Variants in CDC14B observed in about 807,000 individuals in gnomAD.
CDC14B encodes the protein dual specificity protein phosphatase CDC14B.
CDC14B carries 22 observed loss-of-function variants against 64.2 expected under a neutral mutation model. The ratio of observed to expected loss-of-function variants is 0.34; its 90% CI spans 0.24 to 0.49. The LOEUF (loss-of-function observed/expected upper bound fraction) is 0.49. Among genes scored for constraint, CDC14B ranks in the 20% least tolerant of loss-of-function variants. The pLI is 0.99. For synonymous variants in CDC14B, 191 were observed against 215.8 expected (o/e 0.89, Z 1.01); for missense variants, 498 against 629.9 (o/e 0.79, Z 2.24).
intron 9 of CDC14B, among the ~76,000 whole-genome samples, chr9:96,533,464 A>T (rs759031191): frequency 6.6e-6 from 1 of 152,230 alleles, no homozygotes; most frequent in African/African-American, 2.4e-5. Flanking sequence ...TTTTTGTAAC[A>T]AAACTATATT....
At position 96,500,403 on chromosome 9, in the gene CDC14B, A is replaced by G. The variant is rs1465045235; in HGVS notation, c.*3350T>C. ...CAATACTGATCAGTTACATTTTAAAACTTTTAATAATCTGTACATGAGTGC... is the reference window on the plus strand; with the variant it reads ...CAATACTGATCAGTTACATTTTAAAGCTTTTAATAATCTGTACATGAGTGC... On this transcript the variant is annotated 3_prime_UTR_variant, in exon 14 of 14. Coordinates refer to ENST00000375241, the MANE Select transcript of CDC14B (RefSeq NM_033331.4). 2 of 152,658 alleles carry G rather than the reference A, an allele frequency of 1.3e-5. No individual in the cohort carries two copies. The highest frequency in any genetic ancestry group is 2.9e-5 in the Non-Finnish European group (2 of 68,038). The allele number at this position is 152,658 out of a possible 1,614,324, so 9.5% of individuals were successfully genotyped here. A position where few individuals can be genotyped will look rare whatever the true frequency, so the allele number is the denominator to read the frequency against.
intron 9 of CDC14B, among the ~76,000 whole-genome samples, chr9:96,532,085 T>G (rs902303981): frequency 6.6e-6 from 1 of 152,210 alleles, no homozygotes; most frequent in Non-Finnish European, 1.5e-5. Context: ...TTCTATTTGT[T>G]TTTTGCAAGT....
rs16911009 is a variant in CDC14B at position 96,504,176 on chromosome 9, C to T, written c.1461-387G>A. Reference sequence around the variant, plus strand: ...CTGAGGGACCAGGCTGTGGGAGGAGCGGGCAGAATGAAAAGATAGAGAACT... The same window carrying T: ...CTGAGGGACCAGGCTGTGGGAGGAGTGGGCAGAATGAAAAGATAGAGAACT... On this transcript the variant is annotated intron_variant, in intron 13 of 13. Coordinates refer to ENST00000375241, the MANE Select transcript of CDC14B (RefSeq NM_033331.4). 5.1e-3 allele frequency among the ~76,000 whole-genome samples: 779 copies of T among 152,160 alleles called. 5 individuals are homozygous for T. Among genetic ancestry groups the T allele is most frequent in the Non-Finnish European group, 6.7e-3 (457 of 68,006 alleles).
chr9:96,616,194 C>T (rs1847613300), intron 1 of CDC14B, among the ~76,000 whole-genome samples: 1 of 151,994 alleles, frequency 6.6e-6, no homozygotes, highest in African/African-American at 2.4e-5. Context: ...GGCATGGTGG[C>T]GTATGCCTGT....
intron 4 of CDC14B, among the ~76,000 whole-genome samples, chr9:96,552,662 C>T (rs879191544): frequency 6.6e-6 from 1 of 152,072 alleles, no homozygotes; most frequent in African/African-American, 2.4e-5. Context: ...TTACAAGTAA[C>T]CTGTTTGTTC....
intron 12 of CDC14B, among the ~76,000 whole-genome samples, chr9:96,519,160 T>TA (rs900682609): frequency 6.6e-6 from 1 of 152,002 alleles, no homozygotes; most frequent in African/African-American, 2.4e-5. Context: ...AAAATAAAAA[T>TA]AAAAAAAGAA....
At position 96,510,914 on chromosome 9, in the gene CDC14B, C is replaced by T. The variant is rs139079336; in HGVS notation, c.1344-1125G>A. Among the ~76,000 whole-genome samples the T allele has an allele frequency of 8.1e-3, 1,226 of 152,220 alleles. 7 individuals are homozygous for T. Among genetic ancestry groups the T allele is most frequent in the Middle Eastern group, 0.054 (16 of 294 alleles). On this transcript the variant is annotated intron_variant, in intron 12 of 13. Coordinates refer to ENST00000375241, the MANE Select transcript of CDC14B (RefSeq NM_033331.4). ...TGAGCCACCACACCAGGCCTATATG[C>T]AATTCTTTTCTTCAAGAGATAATCA... is the stretch of plus-strand genomic sequence containing the variant.
At chr9:96,492,750 GA>G (rs574714984) in exon 14 of CDC14B, 30 of 151,906 alleles carry the variant, frequency 2.0e-4, no homozygotes, top group Non-Finnish European at 3.5e-4. Context: ...GTCTTTGGAA[GA>G]AAAAAAAATT....
Position 96,502,111 on chromosome 9 carries a change from G to A in CDC14B, c.*1642C>T, listed in dbSNP as rs1018787957. The A allele has an allele frequency of 1.3e-5, 2 of 152,162 alleles. No homozygotes were observed. The highest frequency in any genetic ancestry group is 2.1e-4 in the South Asian group (1 of 4,818). The allele number at this position is 152,162 out of a possible 1,614,324, so 9.4% of individuals were successfully genotyped here. A position where few individuals can be genotyped will look rare whatever the true frequency, so the allele number is the denominator to read the frequency against. ...TCTGCCCACAGCCAAGTGGGTCTTT[G>A]TGCCTATTCATTTCCAGGGACAGAA... On this transcript the variant is annotated 3_prime_UTR_variant, in exon 14 of 14. Transcript: ENST00000375241.
At chr9:96,592,250 G>T (rs935498586) in intron 1 of CDC14B, among the ~76,000 whole-genome samples, 2 of 151,912 alleles carry the variant, frequency 1.3e-5, no homozygotes, top group Non-Finnish European at 2.9e-5. Context: ...GCTAATTGTT[G>T]TATTTTTTGT....
At chr9:96,577,250 CA>C (rs750429617) in intron 1 of CDC14B, among the ~76,000 whole-genome samples, 20,362 of 82,582 alleles carry the variant, frequency 0.25, 4,551 homozygotes, top group African/African-American at 0.59. Context: ...GACTCCATCT[CA>C]AAAAAAAAAA....
At chr9:96,520,784 G>A (rs75542322) in intron 12 of CDC14B, among the ~76,000 whole-genome samples, 3,067 of 152,034 alleles carry the variant, frequency 0.02, 85 homozygotes, top group African/African-American at 0.062. Context: ...CAGCAGCCTC[G>A]GATAGAAATG....
chr9:96,585,978 G>A (rs1342370691), intron 1 of CDC14B, among the ~76,000 whole-genome samples: 1 of 152,188 alleles, frequency 6.6e-6, no homozygotes, highest in Non-Finnish European at 1.5e-5. Flanking sequence ...TTTGTTTTAT[G>A]ATTCCATATG....
intron 5 of CDC14B, among the ~76,000 whole-genome samples, chr9:96,548,642 C>A (rs1841345638): frequency 6.6e-6 from 1 of 151,962 alleles, no homozygotes. Context: ...CTTAGTGAAA[C>A]CCCATCTCTA....
intron 9 of CDC14B, among the ~76,000 whole-genome samples, chr9:96,531,970 G>C (rs1217440878): frequency 6.6e-6 from 1 of 152,072 alleles, no homozygotes; most frequent in Non-Finnish European, 1.5e-5. Context: ...TCCCTTTTAA[G>C]TGTTTGGTAG....
chr9:96,512,577 A>C (rs990850917), intron 12 of CDC14B, among the ~76,000 whole-genome samples: 4 of 152,042 alleles, frequency 2.6e-5, no homozygotes, highest in Non-Finnish European at 5.9e-5. Context: ...TCTTTCCTCG[A>C]CCTTCCAAAG....
intron 1 of CDC14B, among the ~76,000 whole-genome samples, chr9:96,582,584 T>A (rs1296447986): frequency 6.6e-6 from 1 of 152,210 alleles, no homozygotes; most frequent in Middle Eastern, 3.2e-3. Flanking sequence ...AATGACCCTG[T>A]CTCCTTTGTT....
chr9:96,509,593 G>T, intron 13 of CDC14B, 80 bp downstream of exon 13: 2 of 819,564 alleles, frequency 2.4e-6, no homozygotes. Flanking sequence ...TTTCATGTCA[G>T]TCTCCAGAGG....
chr9:96,562,461 G>A (rs767875889), intron 4 of CDC14B: 6 of 437,910 alleles, frequency 1.4e-5, no homozygotes, highest in African/African-American at 2.0e-5. Flanking sequence ...CTTTTTTCCC[G>A]AGCAGTTTTA....
Sources: gnomAD v4.1 joint callset for allele counts (sites outside exome capture counted in the v4.1 genomes callset) on GRCh38, gnomAD v4.1.1 for gene constraint, MANE v1.5 for transcripts, NCBI Gene and HGNC (gene_info 2026-07-23, HGNC 2026-07-21) for gene names.